C3orf22: variants seen among roughly 807,000 people sequenced by gnomAD.
C3orf22 encodes uncharacterized protein C3orf22.
In C3orf22, 7 loss-of-function variants were observed where a neutral mutation model predicts 10.8. The observed-to-expected ratio is 0.65, with a 90% confidence interval of 0.37 to 1.22. The LOEUF (loss-of-function observed/expected upper bound fraction) is 1.22, where lower values mean the gene tolerates loss of function less well. Among genes scored for constraint, C3orf22 ranks in the 50% most tolerant of loss-of-function variants. The pLI is 0.02. For synonymous variants in C3orf22, 79 were observed against 78.9 expected, an observed-to-expected ratio of 1.00 and a Z score of 0.00; for missense variants, 173 against 177.0, an observed-to-expected ratio of 0.98 and a Z score of 0.13.
chr3:126,531,645 T>A (rs1285650266), intron 4 of C3orf22, among the ~76,000 whole-genome samples: 1 of 152,374 alleles, frequency 6.6e-6, no homozygotes, highest in South Asian at 2.1e-4. Flanking sequence ...AGCCAATTCT[T>A]CATTCCTTTT....
chr3:126,554,103 C>T (rs913439723), intron 1 of C3orf22, among the ~76,000 whole-genome samples: 11 of 152,162 alleles, frequency 7.2e-5, no homozygotes, highest in Non-Finnish European at 1.5e-4. Flanking sequence ...CTGCCTCAAC[C>T]TCCTGGGTTC....
Position 126,558,349 on chromosome 3 carries a change from G to A in C3orf22, c.-41+278C>T, listed in dbSNP as rs112018096. On this transcript the variant is annotated intron_variant, in intron 1 of 3. Transcript: ENST00000318225. The stretch of plus-strand genomic sequence containing the variant: ...CAGCCTCAAACAGTCCTGAACCGGG[G>A]AAGCAGCATTACCACAGGAATTGAG... 6.3e-3 allele frequency among the ~76,000 whole-genome samples: 962 copies of A among 152,292 alleles called. 12 individuals are homozygous for A. Among genetic ancestry groups the A allele is most frequent in the African/African-American group, 0.021 (863 of 41,558 alleles).
intron 1 of C3orf22, among the ~76,000 whole-genome samples, chr3:126,556,845 A>AC (rs1218536785): frequency 1.1e-4 from 16 of 141,698 alleles, no homozygotes; most frequent in Non-Finnish European, 2.0e-4. Context: ...ACACACAGAC[A>AC]CCCCCCACAC....
At chr3:126,541,998 T>C (rs2107573924) in intron 4 of C3orf22, 1 of 1,561,048 alleles carries the variant, frequency 6.4e-7, no homozygotes, top group Non-Finnish European at 8.6e-7. Flanking sequence ...CCTGGCCGCC[T>C]GCCCTCACTG....
At chr3:126,556,775 A>G (rs1456054499) in intron 1 of C3orf22, among the ~76,000 whole-genome samples, 2 of 101,120 alleles carry the variant, frequency 2.0e-5, no homozygotes, top group Non-Finnish European at 4.8e-5. Context: ...ACACAGACTC[A>G]CACACTCAGA....
downstream of C3orf22, among the ~76,000 whole-genome samples, chr3:126,545,869 A>G (rs560347660): frequency 6.6e-5 from 10 of 152,314 alleles, no homozygotes; most frequent in East Asian, 1.9e-4. Context: ...AGATGCTCCA[A>G]TGGGCCACTT....
chr3:126,556,645 CA>C (rs1385720225), intron 1 of C3orf22, among the ~76,000 whole-genome samples: 29 of 270 alleles, frequency 0.11, no homozygotes, highest in Admixed American at 0.37. Flanking sequence ...CTGCCGTTCC[CA>C]CACACACACA....
intron 4 of C3orf22, among the ~76,000 whole-genome samples, chr3:126,537,577 GA>G (rs1220911454): frequency 6.6e-6 from 1 of 152,138 alleles, no homozygotes; most frequent in East Asian, 1.9e-4. Context: ...CGCAGAGTGT[GA>G]CTGACTGACT....
At chr3:126,535,061 C>T (rs1435938285) in intron 4 of C3orf22, among the ~76,000 whole-genome samples, 1 of 46,246 alleles carries the variant, frequency 2.2e-5, no homozygotes, top group African/African-American at 8.5e-5. Flanking sequence ...AGCCGGGAGA[C>T]AGACAGACAG....
chr3:126,536,941 C>T (rs1008175243), intron 4 of C3orf22, among the ~76,000 whole-genome samples: 1 of 151,398 alleles, frequency 6.6e-6, no homozygotes, highest in Non-Finnish European at 1.5e-5. Context: ...CACACAAGTA[C>T]TTATTCGGAC....
At chr3:126,542,165 G>C (rs908252292) in intron 4 of C3orf22, 3 of 1,494,246 alleles carry the variant, frequency 2.0e-6, no homozygotes, top group Non-Finnish European at 2.7e-6. Flanking sequence ...TGCACGCATC[G>C]TTCAGCGCCT....
chr3:126,552,400 A>C (rs1937213146), intron 2 of C3orf22, among the ~76,000 whole-genome samples: 1 of 152,186 alleles, frequency 6.6e-6, no homozygotes, highest in Admixed American at 6.5e-5. Flanking sequence ...GGTGCAGAGC[A>C]CTTGAGCCCC....
intron 4 of C3orf22, chr3:126,542,676 G>A: frequency 7.3e-7 from 1 of 1,372,750 alleles, no homozygotes; most frequent in Non-Finnish European, 9.4e-7. Flanking sequence ...CTCTTCAAGA[G>A]CCACTGCGTG....
At chr3:126,541,455 T>A (rs1936954664) in intron 4 of C3orf22, among the ~76,000 whole-genome samples, 1 of 152,196 alleles carries the variant, frequency 6.6e-6, no homozygotes, top group South Asian at 2.1e-4. Flanking sequence ...CACAATTCCT[T>A]ATCACTCCTC....
intron 4 of C3orf22, among the ~76,000 whole-genome samples, chr3:126,529,689 C>G (rs1182475086): frequency 1.3e-5 from 2 of 152,150 alleles, no homozygotes; most frequent in Non-Finnish European, 1.5e-5. Flanking sequence ...CTCCCAGCCT[C>G]GGGCCCTGTC....
chr3:126,551,185 C>T (rs1409984893), intron 3 of C3orf22, among the ~76,000 whole-genome samples: 1 of 152,204 alleles, frequency 6.6e-6, no homozygotes, highest in Non-Finnish European at 1.5e-5. Context: ...TGTGCATCCT[C>T]ATGGCTGGCC....
At chr3:126,540,490 C>T (rs924832325) in intron 4 of C3orf22, among the ~76,000 whole-genome samples, 2 of 152,302 alleles carry the variant, frequency 1.3e-5, no homozygotes, top group South Asian at 2.1e-4. Flanking sequence ...GTTTGGCACT[C>T]GTCCTTTTGT....
intron 3 of C3orf22, among the ~76,000 whole-genome samples, chr3:126,550,794 C>A (rs529742719): frequency 6.6e-6 from 1 of 152,214 alleles, no homozygotes; most frequent in South Asian, 2.1e-4. Flanking sequence ...TCAATTATCT[C>A]TCCCCAGCCT....
intron 1 of C3orf22, among the ~76,000 whole-genome samples, chr3:126,555,384 G>A (rs1437532315): frequency 1.3e-5 from 2 of 152,220 alleles, no homozygotes; most frequent in African/African-American, 4.8e-5. Flanking sequence ...TTTGAGGCCA[G>A]GACGGTACAG....
Sources: gnomAD v4.1 joint callset for allele counts (sites outside exome capture counted in the v4.1 genomes callset) on GRCh38, gnomAD v4.1.1 for gene constraint, MANE v1.5 for transcripts, NCBI Gene and HGNC (gene_info 2026-07-23, HGNC 2026-07-21) for gene names.